The following NBAS variants were observed in gnomAD, a reference collection of about 807,000 sequenced individuals.
The protein encoded by NBAS is NBAS subunit of NRZ tethering complex, also known as NAG/BC035112 fusion.
A neutral mutation model predicts 302.5 loss-of-function variants in NBAS; 219 were observed. The ratio of observed to expected loss-of-function variants is 0.72; its 90% CI spans 0.65 to 0.81. The LOEUF (loss-of-function observed/expected upper bound fraction) is 0.81, where lower values mean the gene tolerates loss of function less well. Among genes scored for constraint, NBAS ranks in the 30% least tolerant of loss-of-function variants. NBAS has a pLI of 0.00. For synonymous variants in NBAS, 1,118 were observed against 1,021.6 expected (o/e 1.09, Z -1.80); for missense variants, 2,932 against 2,841.6 (o/e 1.03, Z -0.72).
chr2:15,454,989 G>C (rs1047986970), intron 21 of NBAS, among the ~76,000 whole-genome samples: 1 of 151,042 alleles, frequency 6.6e-6, no homozygotes, highest in Non-Finnish European at 1.5e-5. Flanking sequence ...TGCAACCTCT[G>C]CCTCATGGGT....
the NBAS span, among the ~76,000 whole-genome samples, chr2:14,783,228 T>C: frequency 4.4e-3 from 675 of 152,230 alleles, 4 homozygotes; most frequent in African/African-American, 0.016. Flanking sequence ...CTGTTGTGAC[T>C]AAACGTACTG....
At chr2:15,177,821 C>T in intron 51 of NBAS, 1 of 185,658 alleles carries the variant, frequency 5.4e-6, no homozygotes. Flanking sequence ...CCCTTGATTC[C>T]CTACTTCAGT....
chr2:15,019,204 C>A, the NBAS span, among the ~76,000 whole-genome samples: 4 of 152,034 alleles, frequency 2.6e-5, no homozygotes, highest in Non-Finnish European at 5.9e-5. Flanking sequence ...ACAATCAGAG[C>A]CCTGATACAG....
intron 23 of NBAS, among the ~76,000 whole-genome samples, chr2:15,423,451 A>T (rs1351385210): frequency 6.6e-6 from 1 of 152,222 alleles, no homozygotes; most frequent in African/African-American, 2.4e-5. Flanking sequence ...GGGTCATGCT[A>T]GATAAACTAA....
chr2:15,050,127 G>A, the NBAS span, among the ~76,000 whole-genome samples: 4 of 152,076 alleles, frequency 2.6e-5, no homozygotes, highest in Admixed American at 1.3e-4. Context: ...TCAACCACTC[G>A]AGGTCTCTGA....
Position 15,351,102 on chromosome 2 carries a change from A to G in NBAS, c.4179+890T>C, listed in dbSNP as rs78112736. 4.7e-3 allele frequency among the ~76,000 whole-genome samples: 717 copies of G among 152,328 alleles called. 9 individuals are homozygous for G. Among genetic ancestry groups the G allele is most frequent in the African/African-American group, 0.016 (668 of 41,582 alleles). ...CAAACCAAGGTCAATCAGTGTTCAT[A>G]TGAATAAACTGTACTATGCACACCG... is the stretch of plus-strand genomic sequence containing the variant. On this transcript the variant is annotated intron_variant, in intron 35 of 51. Coordinates refer to ENST00000281513, the MANE Select transcript of NBAS (RefSeq NM_015909.4).
At chr2:15,536,626 A>T in intron 7 of NBAS, 75 bp from the exon 8 acceptor site, 2 of 1,241,124 alleles carry the variant, frequency 1.6e-6, no homozygotes, top group Non-Finnish European at 2.3e-6. Context: ...TAATTAGAGA[A>T]TATCTGATAC....
chr2:14,998,836 C>T, the NBAS span, among the ~76,000 whole-genome samples: 2 of 152,194 alleles, frequency 1.3e-5, no homozygotes, highest in Admixed American at 1.3e-4. Context: ...CACAAGAGGA[C>T]ACTAAGAAAA....
chr2:15,043,978 G>A, the NBAS span, among the ~76,000 whole-genome samples: 1 of 152,200 alleles, frequency 6.6e-6, no homozygotes, highest in Non-Finnish European at 1.5e-5. Context: ...ACATGGGCCA[G>A]TACCTGGTAC....
chr2:14,780,218 G>T, the NBAS span, among the ~76,000 whole-genome samples: 2 of 152,194 alleles, frequency 1.3e-5, no homozygotes, highest in African/African-American at 4.8e-5. Context: ...AGAGTTCATG[G>T]TTAGATGTGA....
At chr2:14,943,529 A>G in the NBAS span, among the ~76,000 whole-genome samples, 7 of 152,226 alleles carry the variant, frequency 4.6e-5, no homozygotes, top group African/African-American at 7.2e-5. Flanking sequence ...GGAAGAAAAC[A>G]TTCAGGGTAA....
At chr2:15,214,718 T>C (rs1666575548) in intron 48 of NBAS, among the ~76,000 whole-genome samples, 1 of 152,230 alleles carries the variant, frequency 6.6e-6, no homozygotes, top group Non-Finnish European at 1.5e-5. Context: ...CTTGGCATAC[T>C]GGACTTTTGT....
intron 12 of NBAS, among the ~76,000 whole-genome samples, chr2:15,485,773 C>G (rs1680600360): frequency 6.6e-6 from 1 of 151,998 alleles, no homozygotes; most frequent in African/African-American, 2.4e-5. Context: ...GAAAGTACGG[C>G]AGAAATGGTT....
intron 19 of NBAS, among the ~76,000 whole-genome samples, chr2:15,466,107 G>A (rs887536338): frequency 1.3e-5 from 2 of 152,062 alleles, no homozygotes; most frequent in Non-Finnish European, 1.5e-5. Flanking sequence ...CATTACCAAT[G>A]TTTTTTTAAT....
At chr2:15,160,011 T>C in the NBAS span, among the ~76,000 whole-genome samples, 2 of 152,202 alleles carry the variant, frequency 1.3e-5, no homozygotes, top group African/African-American at 4.8e-5. Flanking sequence ...AGATTAGCTA[T>C]ATTGCATGTT....
the NBAS span, among the ~76,000 whole-genome samples, chr2:15,105,509 C>G: frequency 1.3e-5 from 2 of 151,828 alleles, no homozygotes; most frequent in Non-Finnish European, 2.9e-5. Context: ...ATTCTGTCAT[C>G]CAGTGTTTTT....
intron 48 of NBAS, among the ~76,000 whole-genome samples, chr2:15,218,431 T>C (rs1666751735): frequency 6.6e-6 from 1 of 152,216 alleles, no homozygotes; most frequent in South Asian, 2.1e-4. Context: ...ATTGTTTTTT[T>C]CTTTTTCTTT....
chr2:15,105,585 A>G, the NBAS span, among the ~76,000 whole-genome samples: 1 of 152,104 alleles, frequency 6.6e-6, no homozygotes, highest in African/African-American at 2.4e-5. Flanking sequence ...TCATTGTTTG[A>G]CATTGTGAAG....
the NBAS span, among the ~76,000 whole-genome samples, chr2:14,937,001 T>C: frequency 3.9e-5 from 6 of 152,280 alleles, no homozygotes; most frequent in Middle Eastern, 0.01. Context: ...TTAAGTATTA[T>C]AAAATGGATG....
Sources: allele counts gnomAD v4.1 joint callset (sites outside exome capture counted in the v4.1 genomes callset), GRCh38; gene constraint gnomAD v4.1.1; transcripts MANE v1.5; gene names NCBI Gene and HGNC (gene_info 2026-07-23, HGNC 2026-07-21).